STAC2: variants seen among roughly 807,000 people sequenced by gnomAD.
STAC2 encodes the protein SH3 and cysteine rich domain 2.
Under a neutral mutation model 49.0 loss-of-function variants are expected in STAC2, and 36 were observed. The ratio of observed to expected loss-of-function variants is 0.74; its 90% CI spans 0.56 to 0.97. STAC2 has a LOEUF of 0.97. Among genes scored for constraint, STAC2 ranks in the 50% least tolerant of loss-of-function variants. STAC2 has a pLI of 0.00. For synonymous variants in STAC2, 239 were observed against 214.7 expected, an observed-to-expected ratio of 1.11 and a Z score of -0.99; for missense variants, 527 against 543.8, an observed-to-expected ratio of 0.97 and a Z score of 0.31.
chr17:39,225,000 T>C (rs1012393080), intron 1 of STAC2, among the ~76,000 whole-genome samples: 1 of 151,912 alleles, frequency 6.6e-6, no homozygotes. Context: ...ACGCAGGTTG[T>C]AGAGACAAAT....
rs2046350675 is a variant in STAC2, at chr17:39,211,129, C to T, written c.*1163G>A. On this transcript the variant is annotated 3_prime_UTR_variant, in exon 11 of 11. Coordinates refer to ENST00000333461, the MANE Select transcript of STAC2 (RefSeq NM_198993.5). ...TGGGGCGGCCGGGCAAAGCCTGGGA[C>T]AGGAACTGACAGTCACAGGCTCCCC... is the stretch of plus-strand genomic sequence containing the variant. 6.6e-6 allele frequency: 1 copy of T among 152,416 alleles called. No individual in the cohort carries two copies. Among genetic ancestry groups the T allele is most frequent in the African/African-American group, 2.4e-5 (1 of 41,436 alleles). The allele number at this position is 152,416 out of a possible 1,614,324, so 9.4% of individuals were successfully genotyped here.
rs2046418999 is a variant in STAC2, at chr17:39,217,792, G to A, written c.397+75C>T. 5 of 1,433,968 alleles carry A rather than the reference G, an allele frequency of 3.5e-6. No individual in the cohort carries two copies. In the East Asian group the frequency reaches 1.3e-4, roughly 36 times the overall value. The allele number at this position is 1,433,968 out of a possible 1,614,324, so 88.8% of individuals were successfully genotyped here. A position where few individuals can be genotyped will look rare whatever the true frequency, so the allele number is the denominator to read the frequency against. ...TGAACAGCAAGAGCCCAATAATATT[G>A]GGCGCAACATGAGCCCACTCCCCAG... On this transcript the variant is annotated intron_variant, in intron 2 of 10. Coordinates refer to ENST00000333461, the MANE Select transcript of STAC2 (RefSeq NM_198993.5).
At chr17:39,213,897 G>A (rs1310005625) in intron 8 of STAC2, among the ~76,000 whole-genome samples, 2 of 151,860 alleles carry the variant, frequency 1.3e-5, no homozygotes, top group African/African-American at 4.8e-5. Context: ...GGCTGGTCTC[G>A]AACTCCTGAC....
At chr17:39,221,419 C>A (rs1028649756) in intron 1 of STAC2, among the ~76,000 whole-genome samples, 2 of 152,184 alleles carry the variant, frequency 1.3e-5, no homozygotes, top group Admixed American at 6.5e-5. Context: ...ACTCTCTAAC[C>A]AATAAAAGGC....
rs923128981 is a variant in STAC2 at position 39,214,847 on chromosome 17, T to G, written c.787A>C (p.Thr263Pro). The change falls in exon 7 of 11, where the codon ACA becomes CCA. Residue 263 changes from threonine (T) to proline (P), a missense_variant. Transcript: ENST00000333461. ...GPGDSASPVF[T>P]APAESEGPGP... Reference sequence around the variant, plus strand: ...GGCCCTTCACTCTCTGCTGGGGCTGTGAATACTGGAGATGCTAGGGGCAGG... The same window carrying G: ...GGCCCTTCACTCTCTGCTGGGGCTGGGAATACTGGAGATGCTAGGGGCAGG... 2 of 1,614,054 alleles carry G rather than the reference T, an allele frequency of 1.2e-6. No individual in the cohort carries two copies.
chr17:39,216,486 G>A (rs942979666), intron 4 of STAC2, among the ~76,000 whole-genome samples: 1 of 152,194 alleles, frequency 6.6e-6, no homozygotes, highest in Non-Finnish European at 1.5e-5. Flanking sequence ...GCTTGTTGAA[G>A]GAATGATGAG....
At chr17:39,220,827 C>T (rs1285435361) in intron 1 of STAC2, among the ~76,000 whole-genome samples, 3 of 151,402 alleles carry the variant, frequency 2.0e-5, no homozygotes, top group African/African-American at 7.3e-5. Flanking sequence ...GACGGAGTTT[C>T]ACTCTGTCGC....
intron 9 of STAC2, 44 bp from the exon 10 acceptor site, chr17:39,213,176 CCTGCTGCCCACCA>C: frequency 6.3e-7 from 1 of 1,597,246 alleles, no homozygotes; most frequent in Non-Finnish European, 8.5e-7. Flanking sequence ...ACACCCCACC[CCTGCTGCCCACCA>C]CTGCTTTCTC....
At chr17:39,214,469 C>T in intron 7 of STAC2, 139 bp from the exon 8 acceptor site, 1 of 1,480,952 alleles carries the variant, frequency 6.8e-7, no homozygotes. Flanking sequence ...GAAGTGAGAC[C>T]CTCGTACATG....
chr17:39,213,846 T>G (rs1172660686), intron 8 of STAC2, among the ~76,000 whole-genome samples: 4 of 151,980 alleles, frequency 2.6e-5, no homozygotes, highest in Non-Finnish European at 5.9e-5. Context: ...CTGGCTAATT[T>G]TTGTATTTTT....
Position 39,225,548 on chromosome 17 carries a change from C to T in STAC2, c.-46G>A. 2 of 1,579,574 alleles carry T rather than the reference C, an allele frequency of 1.3e-6. No individual in the cohort carries two copies. The highest frequency in any genetic ancestry group is 1.7e-6 in the Non-Finnish European group (2 of 1,156,208). On this transcript the variant is annotated 5_prime_UTR_variant, in exon 1 of 11. Coordinates refer to ENST00000333461, the MANE Select transcript of STAC2 (RefSeq NM_198993.5). The surrounding 1 kb of genome is among the most constrained non-coding windows in gnomAD (Gnocchi z 8.2). ...GAGGGTGCCGAGATCCGACGGCAGG[C>T]CCACCGCGGGCAGGCTGCGGGTGGC...
intron 7 of STAC2, 198 bp from the exon 8 acceptor site, chr17:39,214,528 G>T: frequency 1.1e-6 from 1 of 892,142 alleles, no homozygotes; most frequent in Non-Finnish European, 1.3e-6. Flanking sequence ...GGAGAGGGGA[G>T]CCCCCTTCTG....
At chr17:39,214,064 G>A (rs2144231173) in intron 8 of STAC2, among the ~76,000 whole-genome samples, 169 bp downstream of exon 8, 1 of 152,232 alleles carries the variant, frequency 6.6e-6, no homozygotes, top group South Asian at 2.1e-4. Context: ...GAGGGCGGGA[G>A]ACACGACATT....
chr17:39,225,747 T>A lies in STAC2; in HGVS notation c.-245A>T. 1.8e-6 allele frequency: 1 copy of A among 549,386 alleles called. No individual in the cohort carries two copies. Among genetic ancestry groups the A allele is most frequent in the Non-Finnish European group, 3.2e-6 (1 of 309,662 alleles). 34.0% of individuals were successfully genotyped at this position (549,386 alleles called of 1,614,324 possible). On this transcript the variant is annotated 5_prime_UTR_variant, in exon 1 of 11. Coordinates refer to ENST00000333461, the MANE Select transcript of STAC2 (RefSeq NM_198993.5). The surrounding 1 kb of genome is among the most constrained non-coding windows in gnomAD (Gnocchi z 8.2). The stretch of plus-strand genomic sequence containing the variant: ...CGACCCCGGGCGCGAGGACCGAGGG[T>A]CTGCAGAGGATGCTGCTCGCAGCGC...
Position 39,225,308 on chromosome 17 carries a change from G to GCCTCGCGACCGCGAC in STAC2, c.90+90_90+104dup, listed in dbSNP as rs1451951309. ...GCGCGGAGCCTCAGTGGTCACGCGG[G>GCCTCGCGACCGCGAC]CCTCGCGACCGCGACCCTAGGACGC... is the stretch of plus-strand genomic sequence containing the variant. On this transcript the variant is annotated intron_variant, in intron 1 of 10. Transcript: ENST00000333461. This position sits in a 1 kb window ranked among gnomAD's most constrained non-coding sequence, Gnocchi z 8.2. 9 of 928,442 alleles carry GCCTCGCGACCGCGAC rather than the reference G, an allele frequency of 9.7e-6. No individual in the cohort carries two copies. The highest frequency in any genetic ancestry group is 4.6e-6 in the Non-Finnish European group (3 of 648,732). The allele number at this position is 928,442 out of a possible 1,614,324, so 57.5% of individuals were successfully genotyped here. A position where few individuals can be genotyped will look rare whatever the true frequency, so the allele number is the denominator to read the frequency against.
rs753247987 is a variant in STAC2 at position 39,216,801 on chromosome 17, G to A, written c.586+9C>T. 198 of 1,578,920 alleles carry A rather than the reference G, an allele frequency of 1.3e-4. No individual in the cohort carries two copies. The highest frequency in any genetic ancestry group is 1.6e-4 in the Non-Finnish European group (191 of 1,162,632). On this transcript the variant is annotated intron_variant, in intron 4 of 10. Coordinates refer to ENST00000333461, the MANE Select transcript of STAC2 (RefSeq NM_198993.5). ...GGGAGCAGGGACTGCGGCCAGGGGG[G>A]GCACTCACCAGTGGGTGGGGACTCT...
chr17:39,224,151 A>G (rs1157725956), intron 1 of STAC2, among the ~76,000 whole-genome samples: 1 of 152,028 alleles, frequency 6.6e-6, no homozygotes, highest in African/African-American at 2.4e-5. Flanking sequence ...CCTTGAATTA[A>G]CCTCAGCTCC....
intron 1 of STAC2, among the ~76,000 whole-genome samples, chr17:39,222,054 G>A (rs1260309436): frequency 6.6e-6 from 1 of 152,172 alleles, no homozygotes; most frequent in Admixed American, 6.5e-5. Context: ...CTGCCTCCCT[G>A]GGATTTTCGC....
At chr17:39,218,956 GAA>G (rs1182463638) in intron 1 of STAC2, among the ~76,000 whole-genome samples, 1 of 152,030 alleles carries the variant, frequency 6.6e-6, no homozygotes. Context: ...CTCCCCGACA[GAA>G]AGTCTCTCTA....
Sources: allele counts gnomAD v4.1 joint callset (sites outside exome capture counted in the v4.1 genomes callset), GRCh38; gene constraint gnomAD v4.1.1; non-coding constraint Gnocchi (gnomAD v3.1); transcripts MANE v1.5; gene names NCBI Gene and HGNC (gene_info 2026-07-23, HGNC 2026-07-21).